ANKFN1: variants seen among roughly 807,000 people sequenced by gnomAD.
The protein encoded by ANKFN1 is ankyrin repeat and fibronectin type-III domain-containing protein 1.
Under a neutral mutation model 108.7 loss-of-function variants are expected in ANKFN1, and 74 were observed. That is an observed-to-expected ratio of 0.68 (90% CI 0.56 to 0.83). The LOEUF is 0.83. ANKFN1 is among the 40% of genes least tolerant of loss of function. The pLI, the probability that ANKFN1 is intolerant of heterozygous loss-of-function variation, is 0.00. For missense variants in ANKFN1, 1,505 were observed against 1,382.3 expected (o/e 1.09, Z -1.41); for synonymous variants, 547 against 516.2 (o/e 1.06, Z -0.81).
intron 8 of ANKFN1, among the ~76,000 whole-genome samples, chr17:56,379,350 G>A (rs1224205295): frequency 1.3e-5 from 2 of 151,012 alleles, no homozygotes; most frequent in African/African-American, 4.9e-5. Context: ...AGTGAGCTGA[G>A]ATCGTGCCAC....
chr17:56,066,355 A>G (rs1905058460), intron 4 of ANKFN1, among the ~76,000 whole-genome samples: 1 of 152,226 alleles, frequency 6.6e-6, no homozygotes, highest in African/African-American at 2.4e-5. Context: ...TATGCTAGCC[A>G]TTAGCCACAG....
chr17:56,510,834 A>C lies in ANKFN1; in HGVS notation c.3006A>C (p.Pro1002=). The C allele has an allele frequency of 1.3e-6, 2 of 1,536,186 alleles. No individual in the cohort carries two copies. Among genetic ancestry groups the C allele is most frequent in the Non-Finnish European group, 1.7e-6 (2 of 1,146,926 alleles). Residue 1002 remains proline (P), a synonymous_variant, in exon 21 of 21, where the codon CCA becomes CCC. Coordinates refer to ENST00000682825, the MANE Select transcript of ANKFN1 (RefSeq NM_001370326.1). ...TAGGCTTCCTGGGAAAGCGGAAGCC[A>C]GGCAAGCACCCCCACTATGGCGGCT... ...PPLGFLGKRK[P]GKHPHYGGFS...
At position 56,440,422 on chromosome 17, in the gene ANKFN1, A is replaced by G; in HGVS notation, c.1006A>G (p.Met336Val). 1.2e-6 allele frequency: 2 copies of G among 1,606,788 alleles called. No homozygotes were observed. The highest frequency in any genetic ancestry group is 8.5e-7 in the Non-Finnish European group (1 of 1,174,076). The change falls in exon 9 of 21, where the codon ATG (methionine) becomes GTG (valine). Residue 336 changes from methionine to valine, a missense_variant and splice_region_variant. By Grantham distance (21) the Met-to-Val change is conservative. Coordinates refer to ENST00000682825, the MANE Select transcript of ANKFN1 (RefSeq NM_001370326.1). The stretch of plus-strand genomic sequence containing the variant: ...GAGATGCACAATCACAGGACTTACA[A>G]TGGTAAATGTCCCCAGTAGACTTTT... ...TLRCTITGLT[M>V]GQQYFVQVSA... is the part of the protein sequence containing the mutation.
At chr17:56,507,877 T>A (rs1018565210) in intron 20 of ANKFN1, among the ~76,000 whole-genome samples, 2 of 152,200 alleles carry the variant, frequency 1.3e-5, no homozygotes, top group African/African-American at 4.8e-5. Flanking sequence ...AGCATCTTCC[T>A]CCTAAGTCAC....
In ANKFN1 at chr17:56,372,733, A is replaced by G. The variant is rs778222072; in HGVS notation, c.689A>G (p.Glu230Gly). 1.2e-6 allele frequency: 2 copies of G among 1,614,074 alleles called. No homozygotes were observed. The highest frequency in any genetic ancestry group is 1.1e-5 in the South Asian group (1 of 91,078). Residue 230 changes from glutamate (E) to glycine (G), a missense_variant, in exon 7 of 21, where the codon GAG becomes GGG. Coordinates refer to ENST00000682825, the MANE Select transcript of ANKFN1 (RefSeq NM_001370326.1). ...ERVSELSAQVENEGFTLDNTE... is the reference protein window; with the variant it reads ...ERVSELSAQVGNEGFTLDNTE... ...GTGAGTGAACTGTCTGCCCAGGTGGAGAATGAAGGATTCACTCTGGACAAC... is the reference window on the plus strand; with the variant it reads ...GTGAGTGAACTGTCTGCCCAGGTGGGGAATGAAGGATTCACTCTGGACAAC...
intron 3 of ANKFN1, among the ~76,000 whole-genome samples, chr17:56,261,612 A>G (rs898509921): frequency 1.3e-5 from 2 of 152,006 alleles, no homozygotes; most frequent in Non-Finnish European, 1.5e-5. Flanking sequence ...ACTGTCTAAG[A>G]GTCCCAAAGC....
chr17:56,163,442 A>G (rs1242452922), intron 1 of ANKFN1, among the ~76,000 whole-genome samples: 6 of 152,232 alleles, frequency 3.9e-5, no homozygotes, highest in Admixed American at 3.9e-4. Flanking sequence ...CTCCTGGGCT[A>G]TCTAGCTTGC....
chr17:56,271,486 C>T (rs981021877), intron 3 of ANKFN1, among the ~76,000 whole-genome samples: 4 of 152,170 alleles, frequency 2.6e-5, no homozygotes, highest in Non-Finnish European at 5.9e-5. Context: ...CAGAGTCATA[C>T]ATAAGCTTAA....
intron 1 of ANKFN1, among the ~76,000 whole-genome samples, chr17:56,202,254 G>A (rs966446317): frequency 1.3e-5 from 2 of 152,136 alleles, no homozygotes; most frequent in Non-Finnish European, 2.9e-5. Context: ...AAGAGTTACT[G>A]AATTAGTACC....
intron 4 of ANKFN1, among the ~76,000 whole-genome samples, chr17:56,349,760 A>G (rs1489178777): frequency 6.6e-6 from 1 of 152,168 alleles, no homozygotes; most frequent in African/African-American, 2.4e-5. Context: ...GTGTATATTT[A>G]TTATATACCA....
At position 56,184,279 on chromosome 17, in the gene ANKFN1, A is replaced by T. The variant is rs116790678; in HGVS notation, c.-70-28319A>T. ...CCCACTCCAGCCTTCAGCAACCACCACCCTGATCAGTCAGCAGCCAGCAAC... is the reference window on the plus strand; with the variant it reads ...CCCACTCCAGCCTTCAGCAACCACCTCCCTGATCAGTCAGCAGCCAGCAAC... On this transcript the variant is annotated intron_variant, in intron 1 of 20. Coordinates refer to ENST00000682825, the MANE Select transcript of ANKFN1 (RefSeq NM_001370326.1). 3.9e-3 allele frequency among the ~76,000 whole-genome samples: 601 copies of T among 152,238 alleles called. 3 individuals carry two copies. The highest frequency in any genetic ancestry group is 0.014 in the African/African-American group (563 of 41,546).
At chr17:56,338,001 C>G (rs1340951394) in intron 4 of ANKFN1, among the ~76,000 whole-genome samples, 1 of 152,046 alleles carries the variant, frequency 6.6e-6, no homozygotes, top group African/African-American at 2.4e-5. Flanking sequence ...GGCACGTGCA[C>G]ACGTATGCTT....
At chr17:56,087,009 A>G (rs1905327405) in intron 4 of ANKFN1, among the ~76,000 whole-genome samples, 1 of 151,266 alleles carries the variant, frequency 6.6e-6, no homozygotes, top group South Asian at 2.1e-4. Flanking sequence ...TTTGAAGATC[A>G]TCGATGATAT....
intron 2 of ANKFN1, 75 bp from the exon 3 acceptor site, chr17:56,227,842 A>C: frequency 1.6e-6 from 2 of 1,222,254 alleles, no homozygotes; most frequent in Non-Finnish European, 2.3e-6. Context: ...AGTGGCTTCA[A>C]ACGTGACTCC....
intron 4 of ANKFN1, among the ~76,000 whole-genome samples, chr17:56,072,473 C>A (rs73991397): frequency 0.01 from 1,563 of 152,276 alleles, 26 homozygotes; most frequent in African/African-American, 0.034. Flanking sequence ...TTCAATGAGC[C>A]TCCATTCCAG....
intron 3 of ANKFN1, among the ~76,000 whole-genome samples, chr17:56,246,700 A>T (rs1917979246): frequency 6.6e-6 from 1 of 152,130 alleles, no homozygotes; most frequent in African/African-American, 2.4e-5. Flanking sequence ...ACAATTCCAT[A>T]AAAAAACAAA....
chr17:56,165,593 G>A (rs555373973), intron 1 of ANKFN1, among the ~76,000 whole-genome samples: 94 of 152,064 alleles, frequency 6.2e-4, no homozygotes, highest in South Asian at 2.1e-3. Context: ...CCTCTGAATC[G>A]GCCACGTGGG....
intron 3 of ANKFN1, among the ~76,000 whole-genome samples, chr17:56,303,056 C>T (rs1251178749): frequency 6.6e-6 from 1 of 152,218 alleles, no homozygotes; most frequent in Non-Finnish European, 1.5e-5. Flanking sequence ...CTGTCTACTA[C>T]ACAAGGGCAC....
At chr17:56,138,616 T>A (rs1907733983) in intron 4 of ANKFN1, among the ~76,000 whole-genome samples, 1 of 151,784 alleles carries the variant, frequency 6.6e-6, no homozygotes, top group African/African-American at 2.4e-5. Context: ...TTCAAGCGAT[T>A]CTCCTGTCTC....
Sources: gnomAD v4.1 joint callset for allele counts (sites outside exome capture counted in the v4.1 genomes callset) on GRCh38, gnomAD v4.1.1 for gene constraint, MANE v1.5 for transcripts, NCBI Gene and HGNC (gene_info 2026-07-23, HGNC 2026-07-21) for gene names.